Variants in TMEM114 observed in about 807,000 individuals in gnomAD.
TMEM114 encodes the protein claudin-26.
In TMEM114, 6 loss-of-function variants were observed where a neutral mutation model predicts 6.2. The observed-to-expected ratio is 0.97, with a 90% confidence interval of 0.53 to 1.91. TMEM114 has a LOEUF of 1.91. TMEM114 is among the 40% of genes most tolerant of loss of function. The probability of loss-of-function intolerance (pLI) is 0.01; values close to 1 mark genes in which losing one functional copy is unlikely to be tolerated. For synonymous variants in TMEM114, 104 were observed against 73.0 expected, an observed-to-expected ratio of 1.42 and a Z score of -2.16; for missense variants, 218 against 158.3, an observed-to-expected ratio of 1.38 and a Z score of -2.02.
intron 2 of TMEM114, among the ~76,000 whole-genome samples, chr16:8,562,412 A>G (rs905722312): frequency 1.7e-3 from 132 of 79,566 alleles, no homozygotes; most frequent in South Asian, 3.1e-3. Context: ...GAATGAGTAA[A>G]TGAGTGAGTG....
At chr16:8,572,694 C>G (rs1222381314) in intron 2 of TMEM114, among the ~76,000 whole-genome samples, 5 of 152,186 alleles carry the variant, frequency 3.3e-5, no homozygotes, top group Non-Finnish European at 7.3e-5. Flanking sequence ...CCTTGGCCTC[C>G]CAAAGTGCTG....
At chr16:8,572,534 T>G (rs115603005) in intron 2 of TMEM114, among the ~76,000 whole-genome samples, 2,733 of 152,288 alleles carry the variant, frequency 0.018, 95 homozygotes, top group African/African-American at 0.063. Context: ...CTCCTGGGCT[T>G]AAGGAAACCT....
chr16:8,528,443 G>C, the TMEM114 span, among the ~76,000 whole-genome samples: 1 of 152,046 alleles, frequency 6.6e-6, no homozygotes, highest in Non-Finnish European at 1.5e-5. Context: ...CCCAAACATA[G>C]ACAGCTGTCT....
intron 2 of TMEM114, among the ~76,000 whole-genome samples, chr16:8,552,375 C>T (rs929768426): frequency 6.6e-6 from 1 of 151,786 alleles, no homozygotes. Context: ...CAGAGTGAGA[C>T]TCTATTTCTT....
At chr16:8,553,621 G>A (rs1028595234) in intron 2 of TMEM114, among the ~76,000 whole-genome samples, 1 of 151,992 alleles carries the variant, frequency 6.6e-6, no homozygotes, top group African/African-American at 2.4e-5. Context: ...AAGTAGCTGG[G>A]ACTGCCGGCG....
chr16:8,542,284 C>A (rs1178876150), intron 2 of TMEM114, among the ~76,000 whole-genome samples: 1 of 152,194 alleles, frequency 6.6e-6, no homozygotes, highest in African/African-American at 2.4e-5. Flanking sequence ...CTGAAGTGTT[C>A]TTTTCCCTGT....
At chr16:8,537,798 T>C (rs954834634) in exon 3 of TMEM114, 2 of 152,110 alleles carry the variant, frequency 1.3e-5, no homozygotes, top group Non-Finnish European at 2.9e-5. Flanking sequence ...TAATTCACCA[T>C]TGACATCCAT....
intron 2 of TMEM114, among the ~76,000 whole-genome samples, chr16:8,562,560 A>ATGAGTGAG (rs200215462): frequency 4.2e-5 from 3 of 70,844 alleles, no homozygotes; most frequent in Non-Finnish European, 9.2e-5. Context: ...GAGTGCGTCA[A>ATGAGTGAG]TGAGTGAGTG....
chr16:8,552,154 C>A (rs1168295600), intron 2 of TMEM114, among the ~76,000 whole-genome samples: 1 of 151,406 alleles, frequency 6.6e-6, no homozygotes, highest in African/African-American at 2.4e-5. Context: ...GCAAGAGGAT[C>A]ACTTGAAGCC....
intron 2 of TMEM114, among the ~76,000 whole-genome samples, chr16:8,586,619 C>T (rs1902331252): frequency 6.6e-6 from 1 of 152,004 alleles, no homozygotes; most frequent in Non-Finnish European, 1.5e-5. Context: ...AAGCGATTCT[C>T]ATAACTCAGC....
At chr16:8,552,455 T>C (rs1402732200) in intron 2 of TMEM114, among the ~76,000 whole-genome samples, 1 of 151,974 alleles carries the variant, frequency 6.6e-6, no homozygotes, top group Non-Finnish European at 1.5e-5. Flanking sequence ...AAAGGTCTGC[T>C]TCATGATTGT....
chr16:8,572,201 G>T lies in TMEM114; in HGVS notation c.325C>A (p.Leu109Met). The change falls in exon 3 of 4, where the codon CTG (leucine) becomes ATG (methionine). Residue 109 changes from leucine to methionine, a missense_variant. Coordinates refer to ENST00000620492, the MANE Select transcript of TMEM114 (RefSeq NM_001146336.2). ...LLTMHGTFVI[L>M]LPLSLILMVF... ...ATCAGGATCAGGCTGAGCGGCAGCA[G>T]AATCACAAATGTCCCATGCATGGCT... is the stretch of plus-strand genomic sequence containing the variant. The T allele has an allele frequency of 6.4e-7, 1 of 1,551,680 alleles. No individual in the cohort carries two copies. Among genetic ancestry groups the T allele is most frequent in the Non-Finnish European group, 8.7e-7 (1 of 1,146,986 alleles).
At chr16:8,547,418 A>C (rs536998242) in intron 2 of TMEM114, among the ~76,000 whole-genome samples, 1 of 139,022 alleles carries the variant, frequency 7.2e-6, no homozygotes, top group African/African-American at 2.8e-5. Flanking sequence ...TTTGAGACGG[A>C]GTCTCGCTCT....
chr16:8,571,982 C>G, intron 3 of TMEM114, 105 bp downstream of exon 3: 2 of 1,350,766 alleles, frequency 1.5e-6, no homozygotes, highest in Non-Finnish European at 2.0e-6. Flanking sequence ...AAACTGAACC[C>G]CACGAGGCCC....
At chr16:8,550,579 G>A (rs528207892) in intron 2 of TMEM114, among the ~76,000 whole-genome samples, 27 of 152,036 alleles carry the variant, frequency 1.8e-4, no homozygotes, top group African/African-American at 6.3e-4. Context: ...TCTGGAGGCT[G>A]AGGCAGAAGA....
intron 2 of TMEM114, among the ~76,000 whole-genome samples, chr16:8,559,277 A>C (rs1043782823): frequency 6.6e-6 from 1 of 150,816 alleles, no homozygotes; most frequent in Non-Finnish European, 1.5e-5. Flanking sequence ...TCATAACCTC[A>C]AGTGATCCGC....
downstream of TMEM114, among the ~76,000 whole-genome samples, chr16:8,565,794 C>T (rs1047053398): frequency 1.3e-5 from 2 of 152,178 alleles, no homozygotes; most frequent in African/African-American, 4.8e-5. Context: ...CATAACAATG[C>T]CCAGGTCCGC....
chr16:8,562,024 GTGAA>G (rs1388250430), intron 2 of TMEM114, among the ~76,000 whole-genome samples: 7 of 149,948 alleles, frequency 4.7e-5, no homozygotes, highest in Non-Finnish European at 8.8e-5. Flanking sequence ...GAATGTGTGA[GTGAA>G]TGAGTGAGTA....
intron 2 of TMEM114, among the ~76,000 whole-genome samples, chr16:8,549,303 C>T (rs1301580841): frequency 6.6e-6 from 1 of 151,016 alleles, no homozygotes; most frequent in Admixed American, 6.6e-5. Context: ...AGTTCGAGAC[C>T]AGCCTGGCCA....
Sources: gnomAD v4.1 joint callset for allele counts (sites outside exome capture counted in the v4.1 genomes callset) on GRCh38, gnomAD v4.1.1 for gene constraint, MANE v1.5 for transcripts, NCBI Gene and HGNC (gene_info 2026-07-23, HGNC 2026-07-21) for gene names.